The following PHF21B variants were observed in gnomAD, a reference collection of about 807,000 sequenced individuals.
The protein encoded by PHF21B is PHD finger protein 21B.
PHF21B carries 22 observed loss-of-function variants against 62.2 expected under a neutral mutation model. The ratio of observed to expected loss-of-function variants is 0.35; its 90% CI spans 0.25 to 0.51. PHF21B has a LOEUF of 0.51. Ranked by LOEUF, PHF21B falls within the 20% of genes least tolerant of loss-of-function variation. PHF21B has a pLI of 0.97. For synonymous variants in PHF21B, 341 were observed against 314.7 expected (o/e 1.08, Z -0.88); for missense variants, 701 against 707.9 (o/e 0.99, Z 0.11).
intron 2 of PHF21B, among the ~76,000 whole-genome samples, chr22:44,963,798 C>A (rs1161272340): frequency 6.6e-6 from 1 of 152,250 alleles, no homozygotes; most frequent in Non-Finnish European, 1.5e-5. Context: ...AGGCCCACCC[C>A]ACACCTCTGC....
At chr22:44,949,228 G>GA (rs1569248118) in intron 2 of PHF21B, among the ~76,000 whole-genome samples, 1 of 151,450 alleles carries the variant, frequency 6.6e-6, no homozygotes, top group Non-Finnish European at 1.5e-5. Flanking sequence ...TTGAACCTGG[G>GA]AGGCGGAGGT....
In PHF21B at chr22:44,964,339, G is replaced by A. The variant is rs545259755; in HGVS notation, c.121-43849C>T. The stretch of plus-strand genomic sequence containing the variant: ...TTCCCAATGCAGCCTCGGCCCGAGG[G>A]AGGATGGGACTTCGCGTGGTGCACC... On this transcript the variant is annotated intron_variant, in intron 2 of 12. Coordinates refer to ENST00000313237, the MANE Select transcript of PHF21B (RefSeq NM_138415.5). Among the ~76,000 whole-genome samples, 212 of 152,274 alleles carry A rather than the reference G, an allele frequency of 1.4e-3. 1 individual carries two copies. The highest frequency in any genetic ancestry group is 4.8e-3 in the African/African-American group (201 of 41,552).
At chr22:44,959,187 G>A (rs2072366976) in intron 2 of PHF21B, among the ~76,000 whole-genome samples, 1 of 152,268 alleles carries the variant, frequency 6.6e-6, no homozygotes, top group East Asian at 1.9e-4. Context: ...CTGATGATCT[G>A]CTCCCATCTC....
intron 5 of PHF21B, among the ~76,000 whole-genome samples, chr22:44,905,439 T>C (rs2071231214): frequency 6.6e-6 from 1 of 152,256 alleles, no homozygotes; most frequent in African/African-American, 2.4e-5. Flanking sequence ...TTCTAGACAT[T>C]ACTCCTTTCT....
chr22:44,922,085 T>C (rs1569229844), intron 2 of PHF21B, among the ~76,000 whole-genome samples: 1 of 152,180 alleles, frequency 6.6e-6, no homozygotes, highest in African/African-American at 2.4e-5. Context: ...TCTCTCTTGA[T>C]CTCAGATGCA....
intron 2 of PHF21B, among the ~76,000 whole-genome samples, chr22:44,935,584 A>G (rs546222725): frequency 2.0e-4 from 31 of 151,882 alleles, no homozygotes; most frequent in Admixed American, 2.6e-4. Context: ...ACTGCACTCT[A>G]GCCTGGGCGA....
At chr22:44,980,742 G>A (rs1170405742) in intron 2 of PHF21B, among the ~76,000 whole-genome samples, 1 of 152,094 alleles carries the variant, frequency 6.6e-6, no homozygotes, top group East Asian at 1.9e-4. Flanking sequence ...GGGACAATTA[G>A]CTGTCACTCA....
intron 2 of PHF21B, among the ~76,000 whole-genome samples, chr22:44,994,113 G>C (rs998684887): frequency 1.3e-5 from 2 of 152,346 alleles, no homozygotes; most frequent in South Asian, 4.1e-4. Flanking sequence ...GCGTCGGCCC[G>C]GGGCATCCCC....
intron 2 of PHF21B, 88 bp downstream of exon 2, chr22:45,008,457 G>T: frequency 7.8e-7 from 1 of 1,285,710 alleles, no homozygotes; most frequent in Non-Finnish European, 1.0e-6. Context: ...AGCGTGCGTC[G>T]CCCAGGCTGG....
intron 3 of PHF21B, among the ~76,000 whole-genome samples, 184 bp from the exon 4 acceptor site, chr22:44,916,814 T>G (rs2071444206): frequency 6.6e-6 from 1 of 152,214 alleles, no homozygotes; most frequent in Non-Finnish European, 1.5e-5. Context: ...CTCCTGGGCT[T>G]GCACCGACTG....
At chr22:44,972,152 G>C (rs1485662009) in intron 2 of PHF21B, among the ~76,000 whole-genome samples, 1 of 152,228 alleles carries the variant, frequency 6.6e-6, no homozygotes, top group South Asian at 2.1e-4. Flanking sequence ...ATGAATGAGA[G>C]ATAAAGGCTT....
rs539282977 is a variant in PHF21B, at chr22:45,004,259, T to A, written c.120+4286A>T. 2.6e-5 allele frequency among the ~76,000 whole-genome samples: 4 copies of A among 152,184 alleles called. No individual in the cohort carries two copies. The East Asian group carries it at 7.7e-4, about 29-fold the overall frequency. ...TAAAATATATCTCAATAAAGCTGTT[T>A]TGTTGATGTTTTTAAGTAGACGCAG... is the stretch of plus-strand genomic sequence containing the variant. On this transcript the variant is annotated intron_variant, in intron 2 of 12. Coordinates refer to ENST00000313237, the MANE Select transcript of PHF21B (RefSeq NM_138415.5).
Position 44,921,556 on chromosome 22 carries a change from G to A in PHF21B, c.121-1066C>T, listed in dbSNP as rs368534585. 1.2e-3 allele frequency among the ~76,000 whole-genome samples: 176 copies of A among 151,402 alleles called. 1 individual carries two copies. The highest frequency in any genetic ancestry group is 3.4e-3 in the Middle Eastern group (1 of 292). ...AATTTTTTGTATTTTTAGTAGAGACGGGGTTTCACCGTGTTAGCCAGGATG... is the reference window on the plus strand; with the variant it reads ...AATTTTTTGTATTTTTAGTAGAGACAGGGTTTCACCGTGTTAGCCAGGATG... On this transcript the variant is annotated intron_variant, in intron 2 of 12. Transcript: ENST00000313237.
At chr22:44,996,961 CT>C (rs1283013987) in intron 2 of PHF21B, among the ~76,000 whole-genome samples, 1 of 152,202 alleles carries the variant, frequency 6.6e-6, no homozygotes, top group East Asian at 1.9e-4. Flanking sequence ...CCCCGTTCTA[CT>C]TTTCACCAGA....
chr22:44,971,286 C>T (rs931418573), intron 2 of PHF21B: 10 of 152,210 alleles, frequency 6.6e-5, no homozygotes, highest in Non-Finnish European at 4.4e-5. Flanking sequence ...CCTCCTCTCA[C>T]CTGACAAGGT....
intron 2 of PHF21B, among the ~76,000 whole-genome samples, chr22:44,999,957 C>T (rs528824940): frequency 1.3e-5 from 2 of 152,150 alleles, no homozygotes; most frequent in Admixed American, 6.5e-5. Flanking sequence ...ACTAATCCTG[C>T]GGCCTCTCGA....
chr22:44,927,328 C>T (rs993910222), intron 2 of PHF21B, among the ~76,000 whole-genome samples: 2 of 152,162 alleles, frequency 1.3e-5, no homozygotes, highest in Admixed American at 6.5e-5. Context: ...GCCTGGGACT[C>T]GAGGTGCCCT....
At chr22:44,936,881 TTTTTTC>T (rs2071860274) in intron 2 of PHF21B, among the ~76,000 whole-genome samples, 1 of 150,180 alleles carries the variant, frequency 6.7e-6, no homozygotes, top group Non-Finnish European at 1.5e-5. Context: ...TTTTTTTTTT[TTTTTTC>T]CTGAGATGGA....
intron 2 of PHF21B, among the ~76,000 whole-genome samples, chr22:44,931,640 TGG>T (rs136690): frequency 1.8e-5 from 1 of 54,604 alleles, no homozygotes; most frequent in Admixed American, 2.1e-4. Context: ...GTTGTGATCT[TGG>T]GGGGGGGGTG....
Sources: allele counts gnomAD v4.1 joint callset (sites outside exome capture counted in the v4.1 genomes callset), GRCh38; gene constraint gnomAD v4.1.1; transcripts MANE v1.5; gene names NCBI Gene and HGNC (gene_info 2026-07-23, HGNC 2026-07-21).